Variants in TCF25 observed in about 807,000 individuals in gnomAD.
The protein encoded by TCF25 is TCF25 ribosome quality control complex subunit, also known as ribosome quality control complex subunit TCF25.
A neutral mutation model predicts 83.1 loss-of-function variants in TCF25; 41 were observed. That is an observed-to-expected ratio of 0.49 (90% CI 0.38 to 0.64). TCF25 has a LOEUF of 0.64. Among genes scored for constraint, TCF25 ranks in the 30% least tolerant of loss-of-function variants. The pLI is 0.00. For synonymous variants in TCF25, 458 were observed against 365.0 expected (o/e 1.25, Z -2.90); for missense variants, 979 against 914.5 (o/e 1.07, Z -0.91).
At chr16:89,900,835 C>A in intron 12 of TCF25, 41 bp downstream of exon 12, 1 of 1,500,498 alleles carries the variant, frequency 6.7e-7, no homozygotes, top group Non-Finnish European at 9.0e-7. Context: ...GGGGTGTGTC[C>A]TGTCAGCCGT....
chr16:89,904,909 T>C (rs754894091), intron 13 of TCF25, 29 bp from the exon 14 acceptor site: 35 of 1,589,388 alleles, frequency 2.2e-5, no homozygotes, highest in Non-Finnish European at 2.8e-5. Flanking sequence ...TGAAGAGGGG[T>C]TCTGCTCAGA....
chr16:89,895,267 G>C, intron 8 of TCF25, 130 bp downstream of exon 8: 1 of 808,164 alleles, frequency 1.2e-6, no homozygotes, highest in African/African-American at 1.7e-5. Flanking sequence ...TACAACCTAC[G>C]TAGCACAAAA....
intron 16 of TCF25, chr16:89,909,008 G>C (rs1242695461): frequency 7.8e-7 from 1 of 1,289,546 alleles, no homozygotes. Context: ...GGGGGTCACA[G>C]CTCTGCGTTT....
In TCF25 at chr16:89,893,627, G is replaced by A. The variant is rs147838476; in HGVS notation, c.698-101G>A. On this transcript the variant is annotated intron_variant, in intron 6 of 17. Coordinates refer to ENST00000263346, the MANE Select transcript of TCF25 (RefSeq NM_014972.3). ...CACTCAGGTCAAGTTTGTCGATATCGCAGAGGCCTCATCCAGAACACCACG... is the reference window on the plus strand; with the variant it reads ...CACTCAGGTCAAGTTTGTCGATATCACAGAGGCCTCATCCAGAACACCACG... 3,548 of 1,573,898 alleles carry A rather than the reference G, an allele frequency of 2.3e-3. 5 individuals are homozygous for A. The highest frequency in any genetic ancestry group is 2.9e-3 in the Non-Finnish European group (3,340 of 1,155,972).
At chr16:89,876,123 C>CT (rs1399257956) in intron 1 of TCF25, among the ~76,000 whole-genome samples, 1 of 152,060 alleles carries the variant, frequency 6.6e-6, no homozygotes, top group Non-Finnish European at 1.5e-5. Flanking sequence ...CCCTTGTGGA[C>CT]TTTCTGGAGT....
In TCF25 at chr16:89,905,114, A is replaced by C. The variant is rs1597375836; in HGVS notation, c.1628+18A>C. ...GAGAACCGGTGAGCTAGGGGTTGAC[A>C]CAAGCCCTGCCACGCCCCCTCCTCA... On this transcript the variant is annotated intron_variant, in intron 14 of 17. Coordinates refer to ENST00000263346, the MANE Select transcript of TCF25 (RefSeq NM_014972.3). The C allele has an allele frequency of 1.3e-6, 2 of 1,565,344 alleles. No homozygotes were observed. The highest frequency in any genetic ancestry group is 1.7e-6 in the Non-Finnish European group (2 of 1,155,234).
At chr16:89,905,698 C>T (rs1008073104) in intron 14 of TCF25, among the ~76,000 whole-genome samples, 3 of 152,220 alleles carry the variant, frequency 2.0e-5, no homozygotes, top group African/African-American at 7.2e-5. Context: ...GCCCAAGAGG[C>T]GCTGGTGCCC....
intron 9 of TCF25, among the ~76,000 whole-genome samples, chr16:89,897,693 C>T (rs1223970205): frequency 6.6e-6 from 1 of 152,234 alleles, no homozygotes; most frequent in African/African-American, 2.4e-5. Context: ...CCGAAAGTCA[C>T]AGGGCTCCAT....
chr16:89,883,581 C>G, intron 2 of TCF25, 69 bp downstream of exon 2: 1 of 1,481,188 alleles, frequency 6.8e-7, no homozygotes. Flanking sequence ...CACGTGTATC[C>G]TGTGCTGTGA....
At position 89,907,163 on chromosome 16, in the gene TCF25, C is replaced by T. The variant is rs538108490; in HGVS notation, c.1720-80C>T. On this transcript the variant is annotated intron_variant, in intron 15 of 17. Coordinates refer to ENST00000263346, the MANE Select transcript of TCF25 (RefSeq NM_014972.3). ...AGATGCATCCAGTCCATGCTGGAGT[C>T]GACAGAAGGACTCTGCTGGGAGAGG... The T allele has an allele frequency of 3.9e-5, 54 of 1,394,692 alleles. No homozygotes were observed. The East Asian group carries it at 5.9e-4, about 15-fold the overall frequency. 86.4% of individuals were successfully genotyped at this position (1,394,692 alleles called of 1,614,324 possible).
At chr16:89,876,846 G>T (rs1032802035) in intron 1 of TCF25, among the ~76,000 whole-genome samples, 6 of 150,344 alleles carry the variant, frequency 4.0e-5, no homozygotes, top group African/African-American at 1.5e-4. Flanking sequence ...GGAGAATGGC[G>T]TGAACCCAGG....
intron 1 of TCF25, among the ~76,000 whole-genome samples, chr16:89,876,984 C>T (rs2042244402): frequency 6.7e-6 from 1 of 149,904 alleles, no homozygotes; most frequent in African/African-American, 2.5e-5. Context: ...TGCCTGTAAT[C>T]CCAGCTACTT....
In TCF25 at chr16:89,904,132, C is replaced by T; in HGVS notation, c.1396C>T (p.Leu466Phe). The change falls in exon 13 of 18, where the codon CTC (leucine) becomes TTC (phenylalanine). Residue 466 changes from leucine to phenylalanine, a missense_variant. Transcript: ENST00000263346. ...TMFPGVLLPL[L>F]ESCSVRPDAS... ...TTCCCCTGCAGTCCTCCTGCCCCTG[C>T]TCGAGTCTTGCAGTGTGCGGCCCGA... is the stretch of plus-strand genomic sequence containing the variant. 6.2e-7 allele frequency: 1 copy of T among 1,607,132 alleles called. No individual in the cohort carries two copies. Among genetic ancestry groups the T allele is most frequent in the South Asian group, 1.1e-5 (1 of 89,486 alleles).
At chr16:89,903,405 TCA>T (rs2044509108) in intron 12 of TCF25, among the ~76,000 whole-genome samples, 3 of 152,228 alleles carry the variant, frequency 2.0e-5, no homozygotes, top group African/African-American at 7.2e-5. Flanking sequence ...GCACGGTGGC[TCA>T]CGCCTGTAAT....
intron 12 of TCF25, among the ~76,000 whole-genome samples, chr16:89,902,867 C>T (rs1216119648): frequency 1.3e-5 from 2 of 152,156 alleles, no homozygotes; most frequent in African/African-American, 4.8e-5. Flanking sequence ...GTCCTGGAAG[C>T]AGCATCCCTT....
chr16:89,886,824 C>G (rs983877098), intron 4 of TCF25, among the ~76,000 whole-genome samples: 1 of 151,902 alleles, frequency 6.6e-6, no homozygotes, highest in Admixed American at 6.6e-5. Flanking sequence ...GTAATCCCAG[C>G]CACTCAGGAG....
chr16:89,900,614 C>CT, intron 11 of TCF25, 21 bp from the exon 12 acceptor site: 1 of 1,564,710 alleles, frequency 6.4e-7, no homozygotes. Context: ...GCTCCACGCT[C>CT]TGTTTCTTCG....
chr16:89,909,117 G>T, intron 16 of TCF25: 7 of 1,288,570 alleles, frequency 5.4e-6, no homozygotes, highest in Non-Finnish European at 7.1e-6. Context: ...GGTGTGCAGT[G>T]AAGTGGGGAA....
Position 89,907,132 on chromosome 16 carries a change from C to A in TCF25, c.1720-111C>A, listed in dbSNP as rs570761472. 2.1e-5 allele frequency: 23 copies of A among 1,080,008 alleles called. No homozygotes were observed. The South Asian group carries it at 3.1e-4, about 15-fold the overall frequency. The allele number at this position is 1,080,008 out of a possible 1,614,324, so 66.9% of individuals were successfully genotyped here. On this transcript the variant is annotated intron_variant, in intron 15 of 17. Coordinates refer to ENST00000263346, the MANE Select transcript of TCF25 (RefSeq NM_014972.3). ...TTTCTGTCAGACTCTGTGGCTATCT[C>A]TCAGCAGATGCATCCAGTCCATGCT...
Sources: allele counts gnomAD v4.1 joint callset (sites outside exome capture counted in the v4.1 genomes callset), GRCh38; gene constraint gnomAD v4.1.1; transcripts MANE v1.5; gene names NCBI Gene and HGNC (gene_info 2026-07-23, HGNC 2026-07-21).